Variants in NEK10 observed in about 807,000 individuals in gnomAD.
NEK10 encodes the protein NIMA related kinase 10, also known as serine/threonine-protein kinase Nek10.
NEK10 carries 122 observed loss-of-function variants against 159.8 expected under a neutral mutation model. The ratio of observed to expected loss-of-function variants is 0.76; its 90% confidence interval spans 0.66 to 0.89. The LOEUF is 0.89. NEK10 is among the 40% of genes least tolerant of loss of function. NEK10 has a pLI of 0.00. For missense variants in NEK10, 1,342 were observed against 1,323.1 expected, an observed-to-expected ratio of 1.01 and a Z score of -0.22; for synonymous variants, 466 against 457.1, an observed-to-expected ratio of 1.02 and a Z score of -0.25.
intron 1 of NEK10, among the ~76,000 whole-genome samples, chr3:27,362,638 G>A (rs573735020): frequency 1.3e-5 from 2 of 151,022 alleles, no homozygotes; most frequent in African/African-American, 4.9e-5. Flanking sequence ...TTACTTTTGC[G>A]CCAACCTAAC....
chr3:27,167,830 A>C (rs1946618760), intron 29 of NEK10, among the ~76,000 whole-genome samples: 1 of 152,228 alleles, frequency 6.6e-6, no homozygotes, highest in South Asian at 2.1e-4. Flanking sequence ...GGTGCCTTCC[A>C]GTTCTAATAT....
chr3:27,118,594 G>A (rs1245546797), intron 33 of NEK10, among the ~76,000 whole-genome samples: 1 of 152,162 alleles, frequency 6.6e-6, no homozygotes, highest in East Asian at 1.9e-4. Context: ...AGTCAGCTCT[G>A]GAGTGGGGCA....
intron 1 of NEK10, among the ~76,000 whole-genome samples, chr3:27,367,052 C>T (rs1390151180): frequency 6.6e-6 from 1 of 152,108 alleles, no homozygotes; most frequent in Admixed American, 6.5e-5. Flanking sequence ...TCAGGTGATC[C>T]ACCCACCTCA....
chr3:27,140,425 T>C (rs1022168745), intron 31 of NEK10, among the ~76,000 whole-genome samples: 4 of 152,144 alleles, frequency 2.6e-5, no homozygotes, highest in Admixed American at 2.6e-4. Context: ...AGAGTGACTG[T>C]TTACTGGGGA....
chr3:27,360,875 C>T (rs1297840258), intron 1 of NEK10, among the ~76,000 whole-genome samples: 1 of 152,184 alleles, frequency 6.6e-6, no homozygotes, highest in Non-Finnish European at 1.5e-5. Context: ...AGTACATTTG[C>T]CACCTTCCTT....
rs564309603 is a variant in NEK10, at chr3:27,298,608, C to T, written c.1169-1368G>A. Among the ~76,000 whole-genome samples the T allele has an allele frequency of 1.3e-4, 20 of 152,226 alleles. No homozygotes were observed. In the South Asian group the frequency reaches 3.9e-3, roughly 30 times the overall value. On this transcript the variant is annotated intron_variant, in intron 13 of 35. Transcript: ENST00000691995. ...ACTGGGTAACAAGCAGAGCTTGGAA[C>T]AATTTGGAGGGCTCACAAGAAGACA...
chr3:27,301,008 A>G (rs145982974), intron 13 of NEK10, among the ~76,000 whole-genome samples: 177 of 152,204 alleles, frequency 1.2e-3, no homozygotes, highest in African/African-American at 3.8e-3. Context: ...CTTTCCCCTC[A>G]GAGTCTCCCT....
intron 22 of NEK10, among the ~76,000 whole-genome samples, chr3:27,279,515 C>A (rs2041998681): frequency 6.6e-6 from 1 of 152,090 alleles, no homozygotes; most frequent in Non-Finnish European, 1.5e-5. Context: ...TAACCATAAT[C>A]CCTCTTAAAG....
intron 7 of NEK10, 90 bp from the exon 8 acceptor site, chr3:27,312,267 C>G (rs2044757773): frequency 4.7e-6 from 3 of 637,336 alleles, no homozygotes; most frequent in Non-Finnish European, 7.9e-6. Context: ...TTAAAATAAA[C>G]TGTAGGTGGC....
intron 32 of NEK10, among the ~76,000 whole-genome samples, chr3:27,124,217 T>G (rs1217625820): frequency 6.6e-6 from 1 of 152,028 alleles, no homozygotes; most frequent in Non-Finnish European, 1.5e-5. Flanking sequence ...CTACTAAGGT[T>G]TTTGAGTATG....
Position 27,258,789 on chromosome 3 carries a change from G to A in NEK10, c.2015-2418C>T, listed in dbSNP as rs541037917. ...TCTAGTTCTAGATCCCTGAGGAATC[G>A]CCACACTGACTTCCACAATGGTTGA... is the stretch of plus-strand genomic sequence containing the variant. On this transcript the variant is annotated intron_variant, in intron 22 of 35. Coordinates refer to ENST00000691995, the MANE Select transcript of NEK10 (RefSeq NM_001394966.1). Among the ~76,000 whole-genome samples the A allele has an allele frequency of 3.3e-3, 504 of 152,220 alleles. 3 individuals carry two copies. Among genetic ancestry groups the A allele is most frequent in the Admixed American group, 5.4e-3 (82 of 15,282 alleles).
Position 27,162,708 on chromosome 3 carries a change from T to A in NEK10, c.2862A>T (p.Pro954=). 1 of 1,614,170 alleles carries A rather than the reference T, an allele frequency of 6.2e-7. No homozygotes were observed. Among genetic ancestry groups the A allele is most frequent in the South Asian group, 1.1e-5 (1 of 91,082 alleles). The change falls in exon 30 of 36, where the codon CCA becomes CCT. Residue 954 remains proline (P), a synonymous_variant. Coordinates refer to ENST00000691995, the MANE Select transcript of NEK10 (RefSeq NM_001394966.1). The part of the protein sequence containing the change: ...RDFTGGTGSR[P]RPASAGIAVS... ...CTACCAACACTAAGTTACCTGGTCT[T>A]GGTCTTGATCCTGTTCCTCCAGTGA...
intron 23 of NEK10, among the ~76,000 whole-genome samples, chr3:27,232,263 C>G (rs1454718131): frequency 6.6e-6 from 1 of 151,772 alleles, no homozygotes; most frequent in African/African-American, 2.4e-5. Context: ...CTGCTACACA[C>G]CAAGAATGAC....
At chr3:27,209,097 T>C (rs1402259067) in intron 23 of NEK10, among the ~76,000 whole-genome samples, 2 of 143,186 alleles carry the variant, frequency 1.4e-5, no homozygotes, top group African/African-American at 4.9e-5. Context: ...CATTGACAGC[T>C]TTATCCACTA....
intron 19 of NEK10, 52 bp downstream of exon 19, chr3:27,290,565 G>C (rs1014673325): frequency 7.4e-7 from 1 of 1,344,920 alleles, no homozygotes; most frequent in Non-Finnish European, 1.0e-6. Flanking sequence ...CTACTTTCTT[G>C]CAATGACATG....
At position 27,304,951 on chromosome 3, in the gene NEK10, C is replaced by T. The variant is rs768893065; in HGVS notation, c.824G>A (p.Arg275His). The T allele has an allele frequency of 1.4e-5, 23 of 1,611,854 alleles. No homozygotes were observed. Among genetic ancestry groups the T allele is most frequent in the East Asian group, 4.5e-5 (2 of 44,874 alleles). The part of the protein sequence containing the change: ...LSKRLTAELL[R>H]LLCAEPQVKE... ...CACCTGGGGCTCTGCACAAAGTAGG[C>T]GCAGCAACTCCGCTGTTAGTCTGAA... The change falls in exon 12 of 36, where the codon CGC (arginine) becomes CAC (histidine). Residue 275 changes from arginine to histidine, a missense_variant. Coordinates refer to ENST00000691995, the MANE Select transcript of NEK10 (RefSeq NM_001394966.1).
rs191559174 is a variant in NEK10, at chr3:27,111,347, T to C, written c.3300-27A>G. ...TATAAGATTCAGAAGTGGAAAGAAT[T>C]CTCTATAGTTACAAATATTTTAGTT... is the stretch of plus-strand genomic sequence containing the variant. On this transcript the variant is annotated intron_variant, in intron 35 of 35. Coordinates refer to ENST00000691995, the MANE Select transcript of NEK10 (RefSeq NM_001394966.1). The C allele has an allele frequency of 2.0e-6, 3 of 1,535,970 alleles. No homozygotes were observed. The East Asian group carries it at 7.3e-5, about 37-fold the overall frequency.
chr3:27,169,857 A>G (rs1463872893), intron 29 of NEK10, among the ~76,000 whole-genome samples: 1 of 152,180 alleles, frequency 6.6e-6, no homozygotes, highest in Non-Finnish European at 1.5e-5. Context: ...GGCAGTAAAC[A>G]GGAACCTGAT....
chr3:27,238,303 T>C (rs1328305134), intron 23 of NEK10, among the ~76,000 whole-genome samples: 2 of 152,176 alleles, frequency 1.3e-5, no homozygotes, highest in Non-Finnish European at 1.5e-5. Context: ...TGTATGTGTG[T>C]TTGTGTGTTC....
Sources: gnomAD v4.1 joint callset for allele counts (sites outside exome capture counted in the v4.1 genomes callset) on GRCh38, gnomAD v4.1.1 for gene constraint, MANE v1.5 for transcripts, NCBI Gene and HGNC (gene_info 2026-07-23, HGNC 2026-07-21) for gene names.